Variants in RHOU observed in about 807,000 individuals in gnomAD.
The protein encoded by RHOU is rho-related GTP-binding protein RhoU.
A neutral mutation model predicts 12.6 loss-of-function variants in RHOU; 8 were observed. The ratio of observed to expected loss-of-function variants is 0.64; its 90% CI spans 0.37 to 1.15. RHOU has a LOEUF of 1.15. RHOU is among the 50% of genes most tolerant of loss of function. RHOU has a pLI of 0.01. For missense variants in RHOU, 258 were observed against 347.0 expected (o/e 0.74, Z 2.04); for synonymous variants, 161 against 147.4 (o/e 1.09, Z -0.67).
chr1:228,713,412 G>A, the RHOU span, among the ~76,000 whole-genome samples: 1 of 152,202 alleles, frequency 6.6e-6, no homozygotes, highest in Non-Finnish European at 1.5e-5. Flanking sequence ...AGGCATGGAA[G>A]CTCTGCTCCC....
At chr1:228,668,410 T>C in the RHOU span, among the ~76,000 whole-genome samples, 2 of 152,188 alleles carry the variant, frequency 1.3e-5, no homozygotes, top group East Asian at 1.9e-4. Flanking sequence ...CAAATTGCGA[T>C]TGGCATGTGA....
At chr1:228,702,355 G>A in the RHOU span, among the ~76,000 whole-genome samples, 3 of 152,184 alleles carry the variant, frequency 2.0e-5, no homozygotes, top group South Asian at 6.2e-4. Flanking sequence ...TACATACTAG[G>A]TATAGAATTC....
the RHOU span, among the ~76,000 whole-genome samples, chr1:228,702,004 C>T: frequency 1.3e-5 from 2 of 151,878 alleles, no homozygotes; most frequent in African/African-American, 4.8e-5. Context: ...ATAATTTTTA[C>T]AAAGATATGT....
At chr1:228,688,186 G>C in the RHOU span, among the ~76,000 whole-genome samples, 1 of 152,246 alleles carries the variant, frequency 6.6e-6, no homozygotes, top group Non-Finnish European at 1.5e-5. Flanking sequence ...GGGGTTTTCT[G>C]GAACTGTAGC....
chr1:228,735,823 A>G lies in RHOU; in HGVS notation c.81A>G (p.Gly27=), dbSNP rs994571711. 1.4e-5 allele frequency: 17 copies of G among 1,226,318 alleles called. No homozygotes were observed. Among genetic ancestry groups the G allele is most frequent in the Middle Eastern group, 3.1e-4 (1 of 3,186 alleles). 76.0% of individuals were successfully genotyped at this position (1,226,318 alleles called of 1,614,324 possible). A position where few individuals can be genotyped will look rare whatever the true frequency, so the allele number is the denominator to read the frequency against. ...TGCCGCCGCGTCGGGAGCGCGGTGG[A>G]CGCGGGGGACGCGGGCCTGGGGAGC... ...PPVPPRRERG[G]RGGRGPGEPG... is the part of the protein sequence containing the mutation. Residue 27 remains glycine (G), a synonymous_variant, in exon 1 of 3, where the codon GGA becomes GGG. Coordinates refer to ENST00000366691, the MANE Select transcript of RHOU (RefSeq NM_021205.6). This position sits in a 1 kb window ranked among gnomAD's most constrained non-coding sequence, Gnocchi z 8.1.
At chr1:228,693,746 A>G in the RHOU span, among the ~76,000 whole-genome samples, 4 of 152,182 alleles carry the variant, frequency 2.6e-5, no homozygotes, top group Non-Finnish European at 5.9e-5. Flanking sequence ...GATTACAGGC[A>G]TGAGCCACCG....
chr1:228,647,758 T>C, the RHOU span, among the ~76,000 whole-genome samples: 1 of 152,094 alleles, frequency 6.6e-6, no homozygotes, highest in African/African-American at 2.4e-5. Flanking sequence ...ATAGTTGTGA[T>C]GTTGTTGCCT....
At chr1:228,649,041 T>G in the RHOU span, among the ~76,000 whole-genome samples, 7 of 152,114 alleles carry the variant, frequency 4.6e-5, no homozygotes, top group Admixed American at 6.5e-5. Context: ...GTTTTTGTAT[T>G]TTTAGCAGTG....
chr1:228,739,290 G>A (rs1662674315), intron 2 of RHOU, among the ~76,000 whole-genome samples: 2 of 152,176 alleles, frequency 1.3e-5, no homozygotes, highest in South Asian at 4.1e-4. Flanking sequence ...GGCCAGCCAG[G>A]CGCGGTTGCT....
At chr1:228,693,538 C>T in the RHOU span, among the ~76,000 whole-genome samples, 1 of 152,150 alleles carries the variant, frequency 6.6e-6, no homozygotes, top group Non-Finnish European at 1.5e-5. Flanking sequence ...GTGATCTCAG[C>T]TCACTGCAAC....
chr1:228,727,323 T>G, the RHOU span, among the ~76,000 whole-genome samples: 5 of 152,164 alleles, frequency 3.3e-5, no homozygotes, highest in Non-Finnish European at 7.3e-5. Flanking sequence ...TCTCTTTTTT[T>G]CTGGGACAGT....
At chr1:228,675,114 A>T in the RHOU span, among the ~76,000 whole-genome samples, 1 of 152,152 alleles carries the variant, frequency 6.6e-6, no homozygotes, top group Non-Finnish European at 1.5e-5. Flanking sequence ...CTTGCATGTG[A>T]TTTAAGTAGG....
At position 228,743,982 on chromosome 1, in the gene RHOU, G is replaced by A; in HGVS notation, c.*242G>A. 2.3e-6 allele frequency: 1 copy of A among 428,638 alleles called. No homozygotes were observed. The highest frequency in any genetic ancestry group is 4.1e-6 in the Non-Finnish European group (1 of 241,454). The allele number at this position is 428,638 out of a possible 1,614,324, so 26.6% of individuals were successfully genotyped here. ...AAATTAAACATTTTTCACATCTCTG[G>A]AAATTTAGAGTTCTAGACCTCTGGT... On this transcript the variant is annotated 3_prime_UTR_variant, in exon 3 of 3. Coordinates refer to ENST00000366691, the MANE Select transcript of RHOU (RefSeq NM_021205.6). This position sits in a 1 kb window ranked among gnomAD's most constrained non-coding sequence, Gnocchi z 5.1.
At chr1:228,724,616 G>A in the RHOU span, among the ~76,000 whole-genome samples, 1 of 152,092 alleles carries the variant, frequency 6.6e-6, no homozygotes, top group Non-Finnish European at 1.5e-5. Flanking sequence ...CAGGCCCAGC[G>A]AGGTGAGAAC....
chr1:228,674,983 C>T, the RHOU span, among the ~76,000 whole-genome samples: 1 of 152,134 alleles, frequency 6.6e-6, no homozygotes, highest in African/African-American at 2.4e-5. Flanking sequence ...CCCGTCTTGG[C>T]CTCCCAAAGT....
chr1:228,706,910 T>G, the RHOU span, among the ~76,000 whole-genome samples: 1 of 151,586 alleles, frequency 6.6e-6, no homozygotes, highest in African/African-American at 2.4e-5. Context: ...TAGCTTCTTT[T>G]CAATTCTTAT....
the RHOU span, among the ~76,000 whole-genome samples, chr1:228,668,321 T>C: frequency 6.6e-6 from 1 of 152,218 alleles, no homozygotes. Flanking sequence ...TGTGTGCTCT[T>C]CTAGCAAATA....
chr1:228,678,254 AATG>A, the RHOU span, among the ~76,000 whole-genome samples: 1 of 152,192 alleles, frequency 6.6e-6, no homozygotes, highest in Non-Finnish European at 1.5e-5. Flanking sequence ...GAAGTTATGA[AATG>A]ATGATAGATT....
intron 2 of RHOU, among the ~76,000 whole-genome samples, chr1:228,742,795 G>A (rs935941119): frequency 1.3e-5 from 2 of 152,184 alleles, no homozygotes; most frequent in Admixed American, 6.5e-5. Flanking sequence ...CAGAGCTGTT[G>A]GGAAAGGCAG....
Sources: allele counts gnomAD v4.1 joint callset (sites outside exome capture counted in the v4.1 genomes callset), GRCh38; gene constraint gnomAD v4.1.1; non-coding constraint Gnocchi (gnomAD v3.1); transcripts MANE v1.5; gene names NCBI Gene and HGNC (gene_info 2026-07-23, HGNC 2026-07-21).